Variants in CEP104 observed in about 807,000 individuals in gnomAD.
The protein encoded by CEP104 is centrosomal protein 104, also known as centrosomal protein of 104 kDa.
In CEP104, 84 loss-of-function variants were observed where a neutral mutation model predicts 113.3. The ratio of observed to expected loss-of-function variants is 0.74; its 90% CI spans 0.62 to 0.89. The LOEUF (loss-of-function observed/expected upper bound fraction) is 0.89, where lower values mean the gene tolerates loss of function less well. Ranked by LOEUF, CEP104 falls within the 40% of genes least tolerant of loss-of-function variation. The probability of loss-of-function intolerance (pLI) is 0.00; values close to 1 mark genes in which losing one functional copy is unlikely to be tolerated. For synonymous variants in CEP104, 378 were observed against 421.7 expected (o/e 0.90, Z 1.27); for missense variants, 1,053 against 1,156.6 (o/e 0.91, Z 1.30).
At chr1:3,839,510 C>G (rs2298225) in intron 7 of CEP104, 98 bp downstream of exon 7, 1 of 1,134,010 alleles carries the variant, frequency 8.8e-7, no homozygotes, top group Non-Finnish European at 1.3e-6. Flanking sequence ...AACTTCACGG[C>G]TTTTAGTAAC....
chr1:3,817,959 A>G (rs1424044518), intron 20 of CEP104, among the ~76,000 whole-genome samples: 1 of 152,230 alleles, frequency 6.6e-6, no homozygotes, highest in Admixed American at 6.5e-5. Flanking sequence ...GACCATTCTC[A>G]ATCAGTCTCC....
chr1:3,825,614 C>T, intron 18 of CEP104, 144 bp downstream of exon 18: 3 of 619,100 alleles, frequency 4.8e-6, no homozygotes, highest in Non-Finnish European at 8.7e-6. Flanking sequence ...CACGCATTTG[C>T]GGGTGTGTGC....
rs1391905594 is a variant in CEP104, at chr1:3,826,733, A to G, written c.2163T>C (p.Ser721=). Residue 721 remains serine, a synonymous_variant, in exon 16 of 22, where the codon AGT becomes AGC. Transcript: ENST00000378230. ...EIQAEVQEKE[S]DAVKPKNQDI... ...CCTGATTCTTTGGCTTCACAGCATCACTTTCTTTTTCCTAAGACACAGAAA... is the reference window on the plus strand; with the variant it reads ...CCTGATTCTTTGGCTTCACAGCATCGCTTTCTTTTTCCTAAGACACAGAAA... 6 of 1,614,102 alleles carry G rather than the reference A, an allele frequency of 3.7e-6. No homozygotes were observed. In the South Asian group the frequency reaches 6.6e-5, roughly 18 times the overall value.
Position 3,823,285 on chromosome 1 carries a change from G to A in CEP104, c.2504-44C>T, listed in dbSNP as rs774828686. The A allele has an allele frequency of 2.5e-5, 41 of 1,612,264 alleles. No homozygotes were observed. The Admixed American group carries it at 3.8e-4, about 15-fold the overall frequency. On this transcript the variant is annotated intron_variant, in intron 19 of 21. Transcript: ENST00000378230. This position sits in a 1 kb window ranked among gnomAD's most constrained non-coding sequence, Gnocchi z 4.1. Reference sequence around the variant, plus strand: ...GACTCAGTCGCTCCCTGAATGACAGGCGACAAGACATGCTGCTGGCCTGCC... The same window carrying A: ...GACTCAGTCGCTCCCTGAATGACAGACGACAAGACATGCTGCTGGCCTGCC...
At chr1:3,851,756 C>T (rs576881768) in intron 2 of CEP104, among the ~76,000 whole-genome samples, 33 of 152,350 alleles carry the variant, frequency 2.2e-4, no homozygotes, top group African/African-American at 7.0e-4. Context: ...CTCAAGGGAT[C>T]CTCCTGTCTC....
chr1:3,825,052 A>G (rs1644061995), intron 18 of CEP104, among the ~76,000 whole-genome samples: 1 of 34,196 alleles, frequency 2.9e-5, no homozygotes, highest in Non-Finnish European at 5.1e-5. Flanking sequence ...GCACTGTGGG[A>G]AGGGGGCAGT....
chr1:3,844,334 A>G (rs142729803), intron 6 of CEP104, among the ~76,000 whole-genome samples: 146 of 152,264 alleles, frequency 9.6e-4, no homozygotes, highest in African/African-American at 3.4e-3. Context: ...GTGGCTGGGC[A>G]CGGTGGCTCA....
In CEP104 at chr1:3,836,657, TG is replaced by T; in HGVS notation, c.1154del (p.Pro385GlnfsTer16). On this transcript the variant is annotated frameshift_variant, in exon 10 of 22. Transcript: ENST00000378230. LOFTEE classifies it high-confidence loss of function. ...ESLPYDERPLPAIRKHYGEAV... is the reference protein window; with the variant it reads ...ESLPYDERPLXAIRKHYGEAV... ...CCTCCCCATAATGCTTACGAATAGCTGGAAGAGGCCGCTCATCGTAGGGCAG... is the reference window on the plus strand; with the variant it reads ...CCTCCCCATAATGCTTACGAATAGCTGAAGAGGCCGCTCATCGTAGGGCAG... 1 of 1,613,794 alleles carries T rather than the reference TG, an allele frequency of 6.2e-7. No individual in the cohort carries two copies. The highest frequency in any genetic ancestry group is 8.5e-7 in the Non-Finnish European group (1 of 1,179,992).
intron 6 of CEP104, among the ~76,000 whole-genome samples, chr1:3,840,549 AT>A (rs1210420244): frequency 6.7e-6 from 1 of 148,382 alleles, no homozygotes; most frequent in Non-Finnish European, 1.5e-5. Flanking sequence ...GTATTTTTTT[AT>A]TTTTTTCTTT....
Position 3,835,096 on chromosome 1 carries a change from C to T in CEP104, c.1318-4G>A. 2 of 1,610,360 alleles carry T rather than the reference C, an allele frequency of 1.2e-6. No homozygotes were observed. Among genetic ancestry groups the T allele is most frequent in the South Asian group, 2.2e-5 (2 of 90,334 alleles). On this transcript the variant is annotated splice_region_variant and splice_polypyrimidine_tract_variant and intron_variant, in intron 10 of 21. Coordinates refer to ENST00000378230, the MANE Select transcript of CEP104 (RefSeq NM_014704.4). ...TCTTACAATAGGCCTCAGCAACCTACCACAAAACAGGCAGCATTTCATGGC... is the reference window on the plus strand; with the variant it reads ...TCTTACAATAGGCCTCAGCAACCTATCACAAAACAGGCAGCATTTCATGGC...
chr1:3,820,035 C>T (rs1309142223), intron 20 of CEP104, among the ~76,000 whole-genome samples: 1 of 152,098 alleles, frequency 6.6e-6, no homozygotes, highest in Non-Finnish European at 1.5e-5. Flanking sequence ...ACCCAGGGAA[C>T]CCGTGAGGTA....
At chr1:3,833,335 TA>T (rs1644252324) in intron 12 of CEP104, among the ~76,000 whole-genome samples, 1 of 152,084 alleles carries the variant, frequency 6.6e-6, no homozygotes, top group African/African-American at 2.4e-5. Flanking sequence ...GTGTAAAACT[TA>T]ACGTAATTCA....
intron 2 of CEP104, among the ~76,000 whole-genome samples, chr1:3,850,203 A>G (rs1049623223): frequency 1.3e-5 from 2 of 152,238 alleles, no homozygotes; most frequent in Admixed American, 6.5e-5. Flanking sequence ...CTGTACTTTA[A>G]AAAATCCTTC....
chr1:3,845,904 A>G (rs7552387), intron 4 of CEP104, among the ~76,000 whole-genome samples: 46,161 of 151,826 alleles, frequency 0.3, 8,239 homozygotes, highest in African/African-American at 0.49. Flanking sequence ...CCTGACCAAC[A>G]TGGAGAAACT....
Position 3,831,197 on chromosome 1 carries a change from T to C in CEP104, c.1685A>G (p.Lys562Arg). The C allele has an allele frequency of 6.2e-7, 1 of 1,613,892 alleles. No individual in the cohort carries two copies. The highest frequency in any genetic ancestry group is 1.1e-5 in the South Asian group (1 of 91,072). ...IQEMALFKEV[K>R]SLQIIPSYLV... is the part of the protein sequence containing the mutation. ...GTAGGATGGAATAATTTGGAGAGACTTAACTTCTTTAAACAAGGCCATTTC... is the reference window on the plus strand; with the variant it reads ...GTAGGATGGAATAATTTGGAGAGACCTAACTTCTTTAAACAAGGCCATTTC... The change falls in exon 13 of 22, where the codon AAG becomes AGG. Residue 562 changes from lysine to arginine, a missense_variant. Lys to Arg is a conservative substitution (Grantham distance 26). Transcript: ENST00000378230.
chr1:3,838,924 C>T (rs531267486), intron 8 of CEP104, 40 bp downstream of exon 8: 5 of 1,609,804 alleles, frequency 3.1e-6, no homozygotes, highest in Middle Eastern at 3.3e-4. Flanking sequence ...TCTCTGTTCT[C>T]CTAGGCTTTC....
At position 3,836,656 on chromosome 1, in the gene CEP104, C is replaced by T. The variant is rs1426020617; in HGVS notation, c.1156G>A (p.Ala386Thr). 6 of 1,613,710 alleles carry T rather than the reference C, an allele frequency of 3.7e-6. No individual in the cohort carries two copies. The highest frequency in any genetic ancestry group is 1.7e-5 in the Admixed American group (1 of 59,994). The change falls in exon 10 of 22, where the codon GCT becomes ACT. Residue 386 changes from alanine (A) to threonine (T), a missense_variant. Physicochemically the swap from Ala to Thr is moderately conservative, Grantham distance 58. Transcript: ENST00000378230. ...GCCTCCCCATAATGCTTACGAATAGCTGGAAGAGGCCGCTCATCGTAGGGC... is the reference window on the plus strand; with the variant it reads ...GCCTCCCCATAATGCTTACGAATAGTTGGAAGAGGCCGCTCATCGTAGGGC... ...SLPYDERPLP[A>T]IRKHYGEAVV...
chr1:3,836,396 G>A (rs1359266810), intron 10 of CEP104, 99 bp downstream of exon 10: 13 of 1,251,464 alleles, frequency 1.0e-5, no homozygotes, highest in South Asian at 4.4e-5. Flanking sequence ...AGCCGTGGGC[G>A]TTTTCCCTCC....
chr1:3,815,649 G>T, intron 21 of CEP104, 132 bp from the exon 22 acceptor site: 1 of 625,112 alleles, frequency 1.6e-6, no homozygotes, highest in Non-Finnish European at 2.7e-6. Flanking sequence ...GACTACAGGA[G>T]CCAGGGCTGA....
Sources: allele counts gnomAD v4.1 joint callset (sites outside exome capture counted in the v4.1 genomes callset), GRCh38; gene constraint gnomAD v4.1.1; non-coding constraint Gnocchi (gnomAD v3.1); transcripts MANE v1.5; gene names NCBI Gene and HGNC (gene_info 2026-07-23, HGNC 2026-07-21).